ZNF469: variants seen among roughly 807,000 people sequenced by gnomAD.
The protein encoded by ZNF469 is zinc finger protein 469.
A neutral mutation model predicts 1.0 loss-of-function variants in ZNF469; 1 was observed. The ratio of observed to expected loss-of-function variants is 1.00; its 90% CI spans 0.35 to 4.73. The LOEUF (loss-of-function observed/expected upper bound fraction) is 4.73. Among genes scored for constraint, ZNF469 ranks in the 30% most tolerant of loss-of-function variants. The probability of loss-of-function intolerance (pLI) is 0.16; values close to 1 mark genes in which losing one functional copy is unlikely to be tolerated. For missense variants in ZNF469, 6,100 were observed against 5,356.3 expected, an observed-to-expected ratio of 1.14 and a Z score of -4.33; for synonymous variants, 2,703 against 2,363.4, an observed-to-expected ratio of 1.14 and a Z score of -4.17.
Position 88,429,759 on chromosome 16 carries a change from C to T in ZNF469, c.2289C>T (p.Gly763=). Residue 763 remains glycine (G), a synonymous_variant, in exon 3 of 3, where the codon GGC becomes GGT. Transcript: ENST00000565624. The part of the protein sequence containing the change: ...CGLLLARAKD[G]HQRSPGPPGL... ...TGCTCCTGGCCAGGGCCAAGGATGG[C>T]CACCAGCGGTCTCCAGGCCCCCCTG... 6.5e-7 allele frequency: 1 copy of T among 1,544,510 alleles called. No individual in the cohort carries two copies.
the ZNF469 span, among the ~76,000 whole-genome samples, chr16:88,136,963 T>C: frequency 6.6e-6 from 1 of 152,254 alleles, no homozygotes; most frequent in Non-Finnish European, 1.5e-5. Context: ...CATGCATGTA[T>C]GTAACTATGG....
At chr16:88,111,924 C>T in the ZNF469 span, among the ~76,000 whole-genome samples, 5 of 152,164 alleles carry the variant, frequency 3.3e-5, no homozygotes, top group Non-Finnish European at 5.9e-5. Flanking sequence ...TGTGAGCCAC[C>T]GCGCCCGGCC....
Position 88,434,281 on chromosome 16 carries a change from C to CCTCCTCTGGCAGGGGCCGT in ZNF469, c.6816_6834dup (p.Pro2279SerfsTer24). The CCTCCTCTGGCAGGGGCCGT allele has an allele frequency of 6.5e-7, 1 of 1,550,382 alleles. No individual in the cohort carries two copies. Among genetic ancestry groups the CCTCCTCTGGCAGGGGCCGT allele is most frequent in the Non-Finnish European group, 8.7e-7 (1 of 1,146,972 alleles). On this transcript the variant is annotated frameshift_variant, in exon 3 of 3. Transcript: ENST00000565624. LOFTEE classifies it low-confidence loss of function (END_TRUNC). The stretch of plus-strand genomic sequence containing the variant: ...GGAGTCTCCTGGCCGAGCCACCTCT[C>CCTCCTCTGGCAGGGGCCGT]CTCCTCTGGCAGGGGCCGTCTCCCC...
rs1214210928 is a variant in ZNF469, at chr16:88,437,930, G to A, written c.10460G>A (p.Gly3487Asp). The A allele has an allele frequency of 6.5e-7, 1 of 1,540,958 alleles. No individual in the cohort carries two copies. The highest frequency in any genetic ancestry group is 8.8e-7 in the Non-Finnish European group (1 of 1,142,646). The change falls in exon 3 of 3, where the codon GGC (glycine) becomes GAC (aspartate). Residue 3487 changes from glycine to aspartate, a missense_variant. Coordinates refer to ENST00000565624, the MANE Select transcript of ZNF469 (RefSeq NM_001367624.2). Reference sequence around the variant, plus strand: ...ATGCCCGGCAGTGCCCCTGGGCCCGGCGAGGACAGGCCTCCTCCCCGGGGA... The same window carrying A: ...ATGCCCGGCAGTGCCCCTGGGCCCGACGAGGACAGGCCTCCTCCCCGGGGA... ...VAMPGSAPGP[G>D]EDRPPPRGSS...
chr16:88,236,559 T>C, the ZNF469 span, among the ~76,000 whole-genome samples: 6 of 152,326 alleles, frequency 3.9e-5, no homozygotes, highest in East Asian at 7.7e-4. Context: ...ATTCAGTTGG[T>C]TGGGGAGCTT....
the ZNF469 span, among the ~76,000 whole-genome samples, chr16:88,333,849 G>A: frequency 1.4e-5 from 2 of 139,382 alleles, no homozygotes; most frequent in Non-Finnish European, 3.2e-5. Context: ...TGGGGGGGAC[G>A]TGGGGGCAGT....
At chr16:88,101,518 T>C in the ZNF469 span, among the ~76,000 whole-genome samples, 1 of 150,364 alleles carries the variant, frequency 6.7e-6, no homozygotes, top group East Asian at 2.0e-4. Context: ...TAGCTAAACA[T>C]GTTGTTAAAC....
the ZNF469 span, among the ~76,000 whole-genome samples, chr16:88,235,084 G>T: frequency 6.6e-6 from 1 of 152,010 alleles, no homozygotes; most frequent in African/African-American, 2.4e-5. Context: ...GTGGGATCTG[G>T]CTTGGGAAGG....
the ZNF469 span, among the ~76,000 whole-genome samples, chr16:88,318,133 C>T: frequency 2.0e-5 from 3 of 152,352 alleles, no homozygotes; most frequent in East Asian, 5.8e-4. Flanking sequence ...TTTGGACAGC[C>T]GGTGGCAGCT....
the ZNF469 span, among the ~76,000 whole-genome samples, chr16:88,132,475 G>C: frequency 1.3e-5 from 2 of 152,184 alleles, no homozygotes; most frequent in Non-Finnish European, 1.5e-5. Flanking sequence ...CATGGGGCTC[G>C]AGAGACTGAG....
rs2142301720 is a variant in ZNF469 at position 88,429,919 on chromosome 16, C to T, written c.2449C>T (p.Leu817=). Residue 817 remains leucine, a synonymous_variant, in exon 3 of 3, where the codon CTG becomes TTG. Coordinates refer to ENST00000565624, the MANE Select transcript of ZNF469 (RefSeq NM_001367624.2). ...AGACGACCCCCTGAGGACAGGCTTC[C>T]TGCCCAGCCTGGCCGCCACCCCCTT... ...GKDDPLRTGF[L]PSLAATPFPL... is the part of the protein sequence containing the mutation. 1.3e-6 allele frequency: 2 copies of T among 1,550,276 alleles called. No individual in the cohort carries two copies. Among genetic ancestry groups the T allele is most frequent in the East Asian group, 2.4e-5 (1 of 40,912 alleles).
chr16:88,178,744 C>A, the ZNF469 span: 1 of 152,232 alleles, frequency 6.6e-6, no homozygotes, highest in African/African-American at 2.4e-5. Flanking sequence ...GGAGACACAA[C>A]CACAGCAGGG....
At chr16:88,381,363 T>C (rs1376178992), upstream of ZNF469, among the ~76,000 whole-genome samples, 1 of 109,902 alleles carries the variant, frequency 9.1e-6, no homozygotes, top group Non-Finnish European at 1.8e-5. Flanking sequence ...TATACACACA[T>C]GCACTCACAC....
the ZNF469 span, among the ~76,000 whole-genome samples, chr16:88,251,536 G>GTTT: frequency 1.3e-5 from 1 of 78,788 alleles, no homozygotes; most frequent in Non-Finnish European, 2.3e-5. Flanking sequence ...TGTCCCTGCT[G>GTTT]TCTTTTTTTT....
chr16:88,160,837 A>T, the ZNF469 span, among the ~76,000 whole-genome samples: 1 of 152,192 alleles, frequency 6.6e-6, no homozygotes, highest in Non-Finnish European at 1.5e-5. Context: ...AGTGAGCAGC[A>T]CAGGAAATAA....
chr16:88,347,077 G>A, the ZNF469 span, among the ~76,000 whole-genome samples: 2 of 152,246 alleles, frequency 1.3e-5, no homozygotes, highest in Admixed American at 6.5e-5. Context: ...TGAACAGGCC[G>A]TACGGCTGAG....
the ZNF469 span, among the ~76,000 whole-genome samples, chr16:88,274,737 G>T: frequency 2.0e-5 from 3 of 152,222 alleles, no homozygotes; most frequent in African/African-American, 4.8e-5. Flanking sequence ...CTGCTATTCA[G>T]TTATTAGAGT....
chr16:88,104,200 C>T, the ZNF469 span, among the ~76,000 whole-genome samples: 5 of 149,394 alleles, frequency 3.3e-5, no homozygotes, highest in Non-Finnish European at 7.4e-5. Context: ...GCCTTGCCTG[C>T]ACCAGGACTG....
rs766581620 is a variant in ZNF469, at chr16:88,436,326, C to T, written c.8856C>T (p.Asp2952=). 2.3e-5 allele frequency: 35 copies of T among 1,549,520 alleles called. 1 individual carries two copies. The highest frequency in any genetic ancestry group is 1.1e-4 in the South Asian group (9 of 84,054). ...TCAATAGCAGGGTGCCTGGCATTGA[C>T]CCCTGGGCCCCCGGCCTCAGCCTGT... ...GFLNSRVPGI[D]PWAPGLSLWA... The change falls in exon 3 of 3, where the codon GAC becomes GAT. Residue 2952 remains aspartate, a synonymous_variant. Transcript: ENST00000565624.
Sources: allele counts gnomAD v4.1 joint callset (sites outside exome capture counted in the v4.1 genomes callset), GRCh38; gene constraint gnomAD v4.1.1; transcripts MANE v1.5; gene names NCBI Gene and HGNC (gene_info 2026-07-23, HGNC 2026-07-21).